The following SCRG1 variants were observed in gnomAD, a reference collection of about 807,000 sequenced individuals.
SCRG1 encodes the protein stimulator of chondrogenesis 1, also known as scrapie-responsive protein 1.
A neutral mutation model predicts 7.7 loss-of-function variants in SCRG1; 3 were observed. That is an observed-to-expected ratio of 0.39 (90% CI 0.18 to 1.01). The LOEUF (loss-of-function observed/expected upper bound fraction) is 1.01. SCRG1 is among the 50% of genes least tolerant of loss of function. The pLI is 0.36. For synonymous variants in SCRG1, 46 were observed against 41.2 expected, an observed-to-expected ratio of 1.12 and a Z score of -0.44; for missense variants, 110 against 117.2, an observed-to-expected ratio of 0.94 and a Z score of 0.28.
At chr4:173,483,769 GATATATGATATATCATATATCAT>G in the SCRG1 span, among the ~76,000 whole-genome samples, 3 of 18,430 alleles carry the variant, frequency 1.6e-4, no homozygotes, top group East Asian at 2.8e-3. Context: ...TCATATATAT[GATATATGATATATCATATATCAT>G]ATATATGATA....
At chr4:173,472,663 G>A in the SCRG1 span, among the ~76,000 whole-genome samples, 5 of 144,666 alleles carry the variant, frequency 3.5e-5, no homozygotes, top group Admixed American at 3.6e-4. Flanking sequence ...AAGGCAGACA[G>A]GCAGGAGGAA....
chr4:173,467,827 T>A, the SCRG1 span: 3 of 152,040 alleles, frequency 2.0e-5, no homozygotes, highest in Admixed American at 6.6e-5. Context: ...TTTGAAATAA[T>A]CTAAAAAAAC....
intron 2 of SCRG1, among the ~76,000 whole-genome samples, chr4:173,390,473 T>A (rs1439387699): frequency 1.5e-5 from 2 of 135,110 alleles, no homozygotes; most frequent in African/African-American, 5.5e-5. Context: ...TTGTTGTTCG[T>A]TTTTTTTTTT....
At chr4:173,395,246 C>T (rs898443308) in intron 1 of SCRG1, among the ~76,000 whole-genome samples, 1 of 152,064 alleles carries the variant, frequency 6.6e-6, no homozygotes, top group African/African-American at 2.4e-5. Context: ...CTCATTAGAC[C>T]GAAGGCTCCA....
the SCRG1 span, among the ~76,000 whole-genome samples, chr4:173,493,113 C>A: frequency 6.6e-6 from 1 of 152,060 alleles, no homozygotes; most frequent in Non-Finnish European, 1.5e-5. Context: ...ACTGTTATTA[C>A]GGTTTGGCTC....
the SCRG1 span, among the ~76,000 whole-genome samples, chr4:173,514,996 T>C: frequency 2.0e-5 from 3 of 152,120 alleles, no homozygotes; most frequent in African/African-American, 4.8e-5. Context: ...CAAAGGCAGG[T>C]GGTTAACAAT....
At chr4:173,498,274 C>G in the SCRG1 span, among the ~76,000 whole-genome samples, 2 of 152,136 alleles carry the variant, frequency 1.3e-5, no homozygotes, top group African/African-American at 4.8e-5. Flanking sequence ...GAAATGATAC[C>G]AAACATTTAA....
At chr4:173,498,554 G>A in the SCRG1 span, among the ~76,000 whole-genome samples, 1 of 152,272 alleles carries the variant, frequency 6.6e-6, no homozygotes, top group African/African-American at 2.4e-5. Flanking sequence ...CATTCTCTGC[G>A]GACTTAATAT....
At chr4:173,465,524 G>T in the SCRG1 span, among the ~76,000 whole-genome samples, 3 of 152,070 alleles carry the variant, frequency 2.0e-5, no homozygotes, top group Admixed American at 6.6e-5. Context: ...GTGTGGGCAG[G>T]ATGTGAGGAA....
chr4:173,435,077 T>C, the SCRG1 span, among the ~76,000 whole-genome samples: 4 of 152,002 alleles, frequency 2.6e-5, no homozygotes, highest in Non-Finnish European at 4.4e-5. Flanking sequence ...TTCACTATTA[T>C]ATAGAATAAA....
the SCRG1 span, among the ~76,000 whole-genome samples, chr4:173,515,356 T>G: frequency 6.6e-6 from 1 of 151,902 alleles, no homozygotes; most frequent in Non-Finnish European, 1.5e-5. This position sits in a 1 kb window ranked among gnomAD's most constrained non-coding sequence, Gnocchi z 4.6. Context: ...TAGAACCAAT[T>G]CTCATCATTT....
At chr4:173,460,963 C>G in the SCRG1 span, among the ~76,000 whole-genome samples, 1 of 152,162 alleles carries the variant, frequency 6.6e-6, no homozygotes, top group African/African-American at 2.4e-5. Context: ...TGGTGCCTAC[C>G]AGGGGCAGGG....
chr4:173,412,842 G>A, the SCRG1 span, among the ~76,000 whole-genome samples: 2 of 152,138 alleles, frequency 1.3e-5, no homozygotes, highest in Non-Finnish European at 2.9e-5. Context: ...TGGGACCAAG[G>A]CATGAAGACT....
the SCRG1 span, among the ~76,000 whole-genome samples, chr4:173,513,572 AAAG>A: frequency 6.6e-6 from 1 of 152,190 alleles, no homozygotes; most frequent in Non-Finnish European, 1.5e-5. Flanking sequence ...AACAACAACA[AAAG>A]AAGTCCATTT....
the SCRG1 span, among the ~76,000 whole-genome samples, chr4:173,420,417 A>G: frequency 2.0e-5 from 3 of 152,214 alleles, no homozygotes; most frequent in South Asian, 2.1e-4. Flanking sequence ...GTAGGTGCTG[A>G]GAAATATATT....
intron 2 of SCRG1, among the ~76,000 whole-genome samples, chr4:173,388,609 T>C (rs1739319804): frequency 6.6e-6 from 1 of 152,214 alleles, no homozygotes; most frequent in Non-Finnish European, 1.5e-5. Context: ...GCATTTGCCA[T>C]TGATATCATG....
At chr4:173,493,426 T>C in the SCRG1 span, among the ~76,000 whole-genome samples, 4 of 152,088 alleles carry the variant, frequency 2.6e-5, no homozygotes, top group Non-Finnish European at 4.4e-5. Context: ...TTAAAGAATT[T>C]AGGAGCACTT....
At chr4:173,437,270 A>C in the SCRG1 span, among the ~76,000 whole-genome samples, 1 of 152,208 alleles carries the variant, frequency 6.6e-6, no homozygotes, top group Non-Finnish European at 1.5e-5. Flanking sequence ...ACACATACAC[A>C]CACACACACG....
chr4:173,518,519 G>T, the SCRG1 span, among the ~76,000 whole-genome samples: 1 of 152,106 alleles, frequency 6.6e-6, no homozygotes, highest in Non-Finnish European at 1.5e-5. Flanking sequence ...TTATTATGTA[G>T]AAACCTGCTC....
Sources: allele counts gnomAD v4.1 joint callset (sites outside exome capture counted in the v4.1 genomes callset), GRCh38; gene constraint gnomAD v4.1.1; non-coding constraint Gnocchi (gnomAD v3.1); transcripts MANE v1.5; gene names NCBI Gene and HGNC (gene_info 2026-07-23, HGNC 2026-07-21).